Variants in PPARGC1A observed in about 807,000 individuals in gnomAD.
PPARGC1A encodes the protein peroxisome proliferator-activated receptor gamma coactivator 1-alpha.
PPARGC1A carries 25 observed loss-of-function variants against 88.7 expected under a neutral mutation model. The ratio of observed to expected loss-of-function variants is 0.28; its 90% CI spans 0.21 to 0.39. The LOEUF is 0.39. Ranked by LOEUF, PPARGC1A falls within the 10% of genes least tolerant of loss-of-function variation. The pLI is 1.00. For missense variants in PPARGC1A, 880 were observed against 968.7 expected (o/e 0.91, Z 1.22); for synonymous variants, 363 against 355.6 (o/e 1.02, Z -0.24).
chr4:24,467,124 G>GAGGA, the PPARGC1A span, among the ~76,000 whole-genome samples: 823 of 151,180 alleles, frequency 5.4e-3, 8 homozygotes, highest in African/African-American at 0.019. Flanking sequence ...GGGAGGGATG[G>GAGGA]AGGAAGGAAG....
At chr4:24,439,676 C>T in the PPARGC1A span, among the ~76,000 whole-genome samples, 15 of 152,302 alleles carry the variant, frequency 9.8e-5, no homozygotes, top group South Asian at 8.3e-4. Flanking sequence ...CATTAGAAAG[C>T]GTCTCAACAG....
At chr4:24,159,206 CTTTTTT>C in the PPARGC1A span, among the ~76,000 whole-genome samples, 1 of 109,854 alleles carries the variant, frequency 9.1e-6, no homozygotes, top group African/African-American at 3.9e-5. Flanking sequence ...GGAAATTAAC[CTTTTTT>C]TTTTTTTTTT....
intron 2 of PPARGC1A, among the ~76,000 whole-genome samples, chr4:23,849,915 C>T (rs76327932): frequency 0.26 from 38,683 of 150,390 alleles, 5,470 homozygotes; most frequent in Admixed American, 0.36. Context: ...CCTCGCTGCA[C>T]GGTACAGTCA....
At chr4:24,255,285 T>C in the PPARGC1A span, among the ~76,000 whole-genome samples, 1 of 152,206 alleles carries the variant, frequency 6.6e-6, no homozygotes, top group South Asian at 2.1e-4. Context: ...AAATAGGTAA[T>C]GCTGTGATAC....
chr4:24,109,298 T>TACACAC, the PPARGC1A span, among the ~76,000 whole-genome samples: 1,881 of 131,840 alleles, frequency 0.014, 37 homozygotes, highest in African/African-American at 0.044. Flanking sequence ...CATTTCATTA[T>TACACAC]ACACACACAC....
the PPARGC1A span, among the ~76,000 whole-genome samples, chr4:24,222,889 C>T: frequency 6.6e-6 from 1 of 152,100 alleles, no homozygotes; most frequent in South Asian, 2.1e-4. Context: ...CTATCTTATG[C>T]CACCTCCCAA....
At chr4:24,166,148 T>C in the PPARGC1A span, among the ~76,000 whole-genome samples, 1 of 152,252 alleles carries the variant, frequency 6.6e-6, no homozygotes, top group East Asian at 1.9e-4. Flanking sequence ...GATAAAAGAT[T>C]AAACCAGCCA....
the PPARGC1A span, among the ~76,000 whole-genome samples, chr4:23,910,323 TATTATATATTATATATATTA>T: frequency 7.9e-4 from 42 of 53,300 alleles, no homozygotes; most frequent in East Asian, 0.02. Context: ...ATATTATATA[TATTATATATTATATATATTA>T]TATATTATAT....
the PPARGC1A span, among the ~76,000 whole-genome samples, chr4:24,397,503 T>C: frequency 0.018 from 2,771 of 152,274 alleles, 85 homozygotes; most frequent in African/African-American, 0.063. Flanking sequence ...TGTAAATGTG[T>C]TCCATCCTAA....
chr4:24,242,225 C>G, the PPARGC1A span, among the ~76,000 whole-genome samples: 10 of 152,202 alleles, frequency 6.6e-5, no homozygotes, highest in Admixed American at 5.2e-4. Context: ...TTTTCCCACT[C>G]AAGGCTCCCT....
At chr4:24,215,356 G>A in the PPARGC1A span, among the ~76,000 whole-genome samples, 9 of 152,254 alleles carry the variant, frequency 5.9e-5, no homozygotes, top group Non-Finnish European at 1.2e-4. Flanking sequence ...AGGAAGACCC[G>A]AGCTGACCTT....
chr4:24,472,749 C>T, the PPARGC1A span, among the ~76,000 whole-genome samples: 1 of 152,102 alleles, frequency 6.6e-6, no homozygotes, highest in African/African-American at 2.4e-5. This position sits in a 1 kb window ranked among gnomAD's most constrained non-coding sequence, Gnocchi z 4.5. Flanking sequence ...GCCGCCGCCG[C>T]CGCCTGTGCC....
At chr4:23,960,017 C>T in the PPARGC1A span, among the ~76,000 whole-genome samples, 5 of 152,114 alleles carry the variant, frequency 3.3e-5, no homozygotes, top group African/African-American at 9.7e-5. Flanking sequence ...GACTAATGAG[C>T]TAATAAATTA....
the PPARGC1A span, among the ~76,000 whole-genome samples, chr4:24,427,122 C>T: frequency 6.6e-6 from 1 of 152,142 alleles, no homozygotes; most frequent in East Asian, 1.9e-4. Context: ...GTAGGGCAGG[C>T]TTAGGTTCCC....
At chr4:24,312,341 C>T in the PPARGC1A span, among the ~76,000 whole-genome samples, 1 of 152,040 alleles carries the variant, frequency 6.6e-6, no homozygotes, top group South Asian at 2.1e-4. Flanking sequence ...GACTATAATC[C>T]TCATTTTTCA....
the PPARGC1A span, among the ~76,000 whole-genome samples, chr4:24,002,919 G>T: frequency 6.6e-6 from 1 of 152,138 alleles, no homozygotes; most frequent in Non-Finnish European, 1.5e-5. Flanking sequence ...CCACCTCACA[G>T]GATCTTGAAT....
At chr4:24,296,975 G>C in the PPARGC1A span, among the ~76,000 whole-genome samples, 8 of 152,054 alleles carry the variant, frequency 5.3e-5, no homozygotes, top group African/African-American at 1.7e-4. Flanking sequence ...GACTGTGTTA[G>C]AGACTGCAGC....
chr4:24,130,211 G>A, the PPARGC1A span, among the ~76,000 whole-genome samples: 45 of 152,246 alleles, frequency 3.0e-4, no homozygotes, highest in Admixed American at 1.3e-3. Context: ...TCAGGGGACT[G>A]GATTTTACCT....
the PPARGC1A span, among the ~76,000 whole-genome samples, chr4:24,005,031 T>C: frequency 7.2e-5 from 11 of 152,114 alleles, no homozygotes; most frequent in Non-Finnish European, 1.3e-4. Context: ...CTCCACCTGC[T>C]TATAAAAACA....
Sources: allele counts gnomAD v4.1 joint callset (sites outside exome capture counted in the v4.1 genomes callset), GRCh38; gene constraint gnomAD v4.1.1; non-coding constraint Gnocchi (gnomAD v3.1); transcripts MANE v1.5; gene names NCBI Gene and HGNC (gene_info 2026-07-23, HGNC 2026-07-21).